Variants in UBE3D observed in about 807,000 individuals in gnomAD.
The protein encoded by UBE3D is ubiquitin protein ligase E3D, also known as E3 ubiquitin-protein ligase E3D.
In UBE3D, 48 loss-of-function variants were observed where a neutral mutation model predicts 49.6. The observed-to-expected ratio is 0.97, with a 90% CI of 0.77 to 1.23. The LOEUF (loss-of-function observed/expected upper bound fraction) is 1.23. Ranked by LOEUF, UBE3D falls within the 50% of genes most tolerant of loss-of-function variation. The pLI is 0.00. For missense variants in UBE3D, 452 were observed against 468.4 expected (o/e 0.96, Z 0.32); for synonymous variants, 189 against 174.2 (o/e 1.08, Z -0.67).
intron 8 of UBE3D, among the ~76,000 whole-genome samples, chr6:82,986,968 A>T (rs993124073): frequency 6.6e-6 from 1 of 151,616 alleles, no homozygotes; most frequent in Non-Finnish European, 1.5e-5. Context: ...TTCACAAGAC[A>T]GAGTCTTGAT....
chr6:83,009,452 G>A (rs1780199898), intron 8 of UBE3D, among the ~76,000 whole-genome samples: 1 of 151,536 alleles, frequency 6.6e-6, no homozygotes, highest in Non-Finnish European at 1.5e-5. Context: ...ACATTTCAGG[G>A]CAGGAATTCC....
intron 1 of UBE3D, among the ~76,000 whole-genome samples, chr6:83,064,643 TTACTC>T (rs760848725): frequency 2.8e-4 from 43 of 152,296 alleles, no homozygotes; most frequent in Non-Finnish European, 4.9e-4. Flanking sequence ...GGGTTCCTAA[TTACTC>T]TACAAGGTGC....
At chr6:82,962,016 A>AT (rs1253848812) in intron 8 of UBE3D, among the ~76,000 whole-genome samples, 1 of 149,418 alleles carries the variant, frequency 6.7e-6, no homozygotes, top group Non-Finnish European at 1.5e-5. Context: ...GTGTGTCTGT[A>AT]TTACTTTAAA....
chr6:83,010,514 T>C (rs769309850), intron 8 of UBE3D, among the ~76,000 whole-genome samples: 2 of 152,096 alleles, frequency 1.3e-5, no homozygotes, highest in Non-Finnish European at 2.9e-5. Context: ...AAAGTAAATA[T>C]AGCAATATTA....
At chr6:82,986,034 A>G (rs1778466748) in intron 8 of UBE3D, among the ~76,000 whole-genome samples, 1 of 152,182 alleles carries the variant, frequency 6.6e-6, no homozygotes, top group Admixed American at 6.5e-5. Context: ...CAACTTGTCT[A>G]GCTGAAAAAA....
chr6:82,929,625 A>G (rs1191541999), intron 9 of UBE3D, among the ~76,000 whole-genome samples: 1 of 152,032 alleles, frequency 6.6e-6, no homozygotes, highest in East Asian at 1.9e-4. Context: ...ATTCTCTTAC[A>G]TAATTCTAAG....
At chr6:82,928,231 T>G (rs897221193) in intron 9 of UBE3D, among the ~76,000 whole-genome samples, 1 of 152,028 alleles carries the variant, frequency 6.6e-6, no homozygotes, top group Non-Finnish European at 1.5e-5. Flanking sequence ...TTTGGTCAGA[T>G]GCTAAAATGG....
intron 8 of UBE3D, among the ~76,000 whole-genome samples, chr6:82,994,641 T>C (rs937027394): frequency 6.6e-6 from 1 of 152,134 alleles, no homozygotes; most frequent in Non-Finnish European, 1.5e-5. Flanking sequence ...TGAACTAGGT[T>C]GATGCAATGA....
chr6:83,017,832 CA>C (rs1274448804), intron 8 of UBE3D: 4 of 151,828 alleles, frequency 2.6e-5, no homozygotes, highest in Non-Finnish European at 4.4e-5. Flanking sequence ...ATTATAACAG[CA>C]AAAAAGTAAT....
intron 9 of UBE3D, among the ~76,000 whole-genome samples, chr6:82,900,896 T>C (rs1771682472): frequency 6.6e-6 from 1 of 152,244 alleles, no homozygotes; most frequent in Non-Finnish European, 1.5e-5. Context: ...TTACTTCTAT[T>C]GGTTGATATT....
At chr6:83,001,768 G>A (rs1031279206) in intron 8 of UBE3D, among the ~76,000 whole-genome samples, 1 of 152,174 alleles carries the variant, frequency 6.6e-6, no homozygotes, top group African/African-American at 2.4e-5. Flanking sequence ...TGTCTAGGAA[G>A]CAGATTTCTC....
chr6:83,054,149 T>A lies in UBE3D; in HGVS notation c.364A>T (p.Arg122Trp). Residue 122 changes from arginine (R) to tryptophan (W), a missense_variant and splice_region_variant, in exon 3 of 10, where the codon AGG becomes TGG. Physicochemically the swap from Arg to Trp is moderately radical, Grantham distance 101. Transcript: ENST00000369747. ...QSCGEVIIKDRKLLRVLPLPS... is the reference protein window; with the variant it reads ...QSCGEVIIKDWKLLRVLPLPS... ...ATCAGTGTTAAATATATTCCTTACC[T>A]GTCTTTTATTATGACTTCACCGCAG... The A allele has an allele frequency of 6.2e-7, 1 of 1,612,392 alleles. No homozygotes were observed. The highest frequency in any genetic ancestry group is 8.5e-7 in the Non-Finnish European group (1 of 1,178,422).
At chr6:82,974,428 A>C (rs1033379277) in intron 8 of UBE3D, among the ~76,000 whole-genome samples, 4 of 152,210 alleles carry the variant, frequency 2.6e-5, no homozygotes, top group Non-Finnish European at 5.9e-5. Flanking sequence ...TAGTGTTTGC[A>C]TATAACCTGC....
At chr6:83,063,412 TAAAAAAAAAAAAAAAAAA>T (rs201669450) in intron 1 of UBE3D, among the ~76,000 whole-genome samples, 2 of 45,496 alleles carry the variant, frequency 4.4e-5, no homozygotes, top group African/African-American at 1.8e-4. Flanking sequence ...AGACGCTGTC[TAAAAAAAAAAAAAAAAAA>T]AAAAAAAGAA....
chr6:83,054,255 A>G lies in UBE3D; in HGVS notation c.275-17T>C. On this transcript the variant is annotated splice_polypyrimidine_tract_variant and intron_variant, in intron 2 of 9. Coordinates refer to ENST00000369747, the MANE Select transcript of UBE3D (RefSeq NM_198920.3). Reference sequence around the variant, plus strand: ...AAATCAGTTCTAAAGGAAGTCAATGAAATAGCTAATCTTAGAGATTGAAAC... The same window carrying G: ...AAATCAGTTCTAAAGGAAGTCAATGGAATAGCTAATCTTAGAGATTGAAAC... The G allele has an allele frequency of 1.9e-6, 3 of 1,587,682 alleles. No individual in the cohort carries two copies. Among genetic ancestry groups the G allele is most frequent in the Non-Finnish European group, 2.6e-6 (3 of 1,156,064 alleles).
At chr6:82,948,831 T>TA (rs1322609678) in intron 9 of UBE3D, among the ~76,000 whole-genome samples, 2 of 151,794 alleles carry the variant, frequency 1.3e-5, no homozygotes, top group African/African-American at 2.4e-5. Flanking sequence ...CACTTCATGA[T>TA]AAAAACCATT....
intron 8 of UBE3D, among the ~76,000 whole-genome samples, chr6:83,013,041 G>A (rs1158567781): frequency 6.6e-6 from 1 of 152,162 alleles, no homozygotes; most frequent in Non-Finnish European, 1.5e-5. Context: ...GGTAGGAATG[G>A]AGACCATGGG....
At chr6:83,050,727 T>C (rs946989407) in intron 3 of UBE3D, among the ~76,000 whole-genome samples, 5 of 150,476 alleles carry the variant, frequency 3.3e-5, no homozygotes, top group African/African-American at 1.2e-4. Context: ...ATGAAATCCA[T>C]GTGCAGTTAC....
chr6:83,047,479 G>A (rs1783141176), intron 3 of UBE3D, among the ~76,000 whole-genome samples: 1 of 152,190 alleles, frequency 6.6e-6, no homozygotes, highest in African/African-American at 2.4e-5. Context: ...TCCCTGATGT[G>A]GAGCTTAGGC....
Sources: allele counts gnomAD v4.1 joint callset (sites outside exome capture counted in the v4.1 genomes callset), GRCh38; gene constraint gnomAD v4.1.1; transcripts MANE v1.5; gene names NCBI Gene and HGNC (gene_info 2026-07-23, HGNC 2026-07-21).